NLGN4X: variants seen among roughly 807,000 people sequenced by gnomAD.
NLGN4X encodes the protein neuroligin 4 X-linked.
Under a neutral mutation model 40.3 loss-of-function variants are expected in NLGN4X, and 3 were observed. The ratio of observed to expected loss-of-function variants is 0.07; its 90% CI spans 0.03 to 0.19. The LOEUF (loss-of-function observed/expected upper bound fraction) is 0.19. Among genes scored for constraint, NLGN4X ranks in the 10% least tolerant of loss-of-function variants. The pLI is 1.00. For synonymous variants in NLGN4X, 270 were observed against 306.8 expected (o/e 0.88, Z 1.25); for missense variants, 382 against 708.3 (o/e 0.54, Z 5.23).
At chrX:5,990,222 A>G (rs989102217) in intron 3 of NLGN4X, among the ~76,000 whole-genome samples, 3 of 111,144 alleles carry the variant, frequency 2.7e-5, no homozygotes, top group African/African-American at 9.8e-5. Context: ...GAAAAACATT[A>G]TAACTGACAT....
At chrX:5,971,026 A>C (rs1354760725) in intron 3 of NLGN4X, among the ~76,000 whole-genome samples, 1 of 111,884 alleles carries the variant, frequency 8.9e-6, no homozygotes. Context: ...CTGTTCCCTG[A>C]GGAACCTCAC....
At chrX:6,074,257 G>C (rs777612883) in intron 2 of NLGN4X, among the ~76,000 whole-genome samples, 1 of 111,136 alleles carries the variant, frequency 9.0e-6, no homozygotes, top group Non-Finnish European at 1.9e-5. Flanking sequence ...TGAAGTCCCA[G>C]CCTTCACAGC....
chrX:5,904,005 CT>C, intron 4 of NLGN4X, 139 bp from the exon 5 acceptor site: 2 of 747,927 alleles, frequency 2.7e-6, no homozygotes, highest in Non-Finnish European at 4.0e-6. Flanking sequence ...GTCAGGGGCC[CT>C]TTTACCCATT....
At chrX:6,185,613 T>C (rs770826793) in intron 1 of NLGN4X, among the ~76,000 whole-genome samples, 1 of 111,893 alleles carries the variant, frequency 8.9e-6, no homozygotes, top group Non-Finnish European at 1.9e-5. Context: ...AACCCCCTGG[T>C]TTTAACTGTA....
intron 1 of NLGN4X, among the ~76,000 whole-genome samples, chrX:6,181,086 C>G (rs151161451): frequency 9.0e-5 from 10 of 111,322 alleles, no homozygotes; most frequent in Admixed American, 2.9e-4. Context: ...TTTTCAGTCT[C>G]CCTGGTATAT....
chrX:6,029,008 A>G (rs1243474196), intron 3 of NLGN4X, among the ~76,000 whole-genome samples: 1 of 112,786 alleles, frequency 8.9e-6, no homozygotes, highest in Admixed American at 9.3e-5. Flanking sequence ...ACATACATTC[A>G]TTGAACTCCA....
intron 3 of NLGN4X, among the ~76,000 whole-genome samples, chrX:5,940,614 T>A (rs1218659295): frequency 1.8e-5 from 2 of 108,120 alleles, no homozygotes; most frequent in East Asian, 5.8e-4. Flanking sequence ...AAAAAAAACT[T>A]TTTTTTTTTT....
chrX:6,072,381 A>G (rs151127519), intron 2 of NLGN4X, among the ~76,000 whole-genome samples: 2,249 of 111,034 alleles, frequency 0.02, 58 homozygotes, highest in African/African-American at 0.07. Context: ...ATGCCCCCTC[A>G]AAGTGTACGT....
At chrX:5,958,818 T>C (rs1303414526) in intron 3 of NLGN4X, among the ~76,000 whole-genome samples, 1 of 112,410 alleles carries the variant, frequency 8.9e-6, no homozygotes, top group African/African-American at 3.2e-5. Context: ...ATCGCAGTTT[T>C]AATATAACCT....
rs979850927 is a variant in NLGN4X at position 5,903,800 on chromosome X, G to A, written c.878C>T (p.Pro293Leu). ...ALSSWAVNYQ[P>L]AKYTRILADK... ...TGCCAATATCCGAGTGTACTTGGCC[G>A]GCTGGTAGTTCACTGCCCAGCTGGA... The change falls in exon 5 of 6, where the codon CCG (proline) becomes CTG (leucine). Residue 293 changes from proline to leucine, a missense_variant. Around this residue, in one of 5 missense-constraint regions of NLGN4X, gnomAD observed 29 missense variants for 32.1 expected, o/e 0.90. Transcript: ENST00000381095. 2.5e-6 allele frequency: 3 copies of A among 1,211,771 alleles called. No homozygotes were observed. The highest frequency in any genetic ancestry group is 3.3e-6 in the Non-Finnish European group (3 of 895,539).
chrX:6,116,749 G>T (rs7876690), intron 2 of NLGN4X, among the ~76,000 whole-genome samples: 4 of 108,783 alleles, frequency 3.7e-5, no homozygotes, highest in Non-Finnish European at 7.6e-5. Context: ...AGGCTGGTCT[G>T]GAACTCCTGA....
At chrX:6,138,865 T>C (rs2039881748) in intron 2 of NLGN4X, among the ~76,000 whole-genome samples, 2 of 110,257 alleles carry the variant, frequency 1.8e-5, no homozygotes, top group African/African-American at 6.6e-5. Context: ...AGTATGATAT[T>C]CAATATACCA....
At chrX:5,900,579 TTTTTTTTTTTA>T (rs1466440850) in intron 5 of NLGN4X, among the ~76,000 whole-genome samples, 3 of 72,336 alleles carry the variant, frequency 4.1e-5, no homozygotes, top group African/African-American at 1.3e-4. Flanking sequence ...TTTTTTTTTT[TTTTTTTTTTTA>T]AAGATAAAGG....
At chrX:6,070,083 T>G (rs1226674073) in intron 2 of NLGN4X, among the ~76,000 whole-genome samples, 1 of 111,318 alleles carries the variant, frequency 9.0e-6, no homozygotes, top group Non-Finnish European at 1.9e-5. Context: ...AGTTACTGAA[T>G]TTTCCACTGA....
intron 2 of NLGN4X, among the ~76,000 whole-genome samples, chrX:6,042,213 T>G (rs1251731132): frequency 8.9e-6 from 1 of 111,748 alleles, no homozygotes; most frequent in African/African-American, 3.2e-5. Flanking sequence ...AAAAGGTGAA[T>G]AGTAATTTTC....
Position 6,007,397 on chromosome X carries a change from G to C in NLGN4X, c.625+21883C>G, listed in dbSNP as rs754069844. Among the ~76,000 whole-genome samples the C allele has an allele frequency of 1.8e-5, 2 of 110,946 alleles. 1 individual carries two copies. The highest frequency in any genetic ancestry group is 7.7e-4 in the South Asian group (2 of 2,609). ...AAAGGTTCCACTATTCGGGTGATGA[G>C]TACACTAAAAGCCCCGACATCACCA... On this transcript the variant is annotated intron_variant, in intron 3 of 5. Coordinates refer to ENST00000381095, the MANE Select transcript of NLGN4X (RefSeq NM_181332.3).
chrX:6,169,931 T>A (rs2040570313), intron 1 of NLGN4X, among the ~76,000 whole-genome samples: 1 of 111,793 alleles, frequency 8.9e-6, no homozygotes, highest in Non-Finnish European at 1.9e-5. Context: ...GTGATGAAGT[T>A]GGCTCAATCT....
At chrX:6,000,798 C>T (rs1304856037) in intron 3 of NLGN4X, among the ~76,000 whole-genome samples, 2 of 111,594 alleles carry the variant, frequency 1.8e-5, no homozygotes, top group Non-Finnish European at 3.8e-5. Context: ...CTGAGCCCTT[C>T]AAACTGTTCC....
intron 3 of NLGN4X, among the ~76,000 whole-genome samples, chrX:6,014,858 G>A (rs765898511): frequency 3.8e-4 from 43 of 111,740 alleles, no homozygotes; most frequent in African/African-American, 1.4e-3. Flanking sequence ...GAAATCAGGT[G>A]CTACTATCCC....
Sources: gnomAD v4.1 joint callset for allele counts (sites outside exome capture counted in the v4.1 genomes callset) on GRCh38, gnomAD v4.1.1 for gene constraint, gnomAD v4.1.1 regional missense constraint, MANE v1.5 for transcripts, NCBI Gene and HGNC (gene_info 2026-07-23, HGNC 2026-07-21) for gene names.